COL4A6: variants seen among roughly 807,000 people sequenced by gnomAD.
The protein encoded by COL4A6 is collagen alpha-6(IV) chain.
COL4A6 carries 59 observed loss-of-function variants against 126.7 expected under a neutral mutation model. The observed-to-expected ratio is 0.47, with a 90% CI of 0.38 to 0.58. COL4A6 has a LOEUF of 0.58. COL4A6 is among the 20% of genes least tolerant of loss of function. The pLI, the probability that COL4A6 is intolerant of heterozygous loss-of-function variation, is 0.00. For missense variants in COL4A6, 1,285 were observed against 1,337.3 expected (o/e 0.96, Z 0.61); for synonymous variants, 547 against 496.6 (o/e 1.10, Z -1.35).
chrX:108,437,916 G>A (rs1196661670), intron 2 of COL4A6, 26 bp downstream of exon 2: 1 of 1,209,379 alleles, frequency 8.3e-7, no homozygotes, highest in Non-Finnish European at 1.1e-6. Flanking sequence ...GAGGGGGACG[G>A]AAAAGGGTCG....
At position 108,170,626 on chromosome X, in the gene COL4A6, C is replaced by A. The variant is rs760071995; in HGVS notation, c.3476G>T (p.Gly1159Val). Residue 1159 changes from glycine to valine, a missense_variant, in exon 35 of 45, where the codon GGA becomes GTA. Transcript: ENST00000334504. ...QGAIGPLGSP[G>V]LIGPKGFPGF... is the part of the protein sequence containing the mutation. ...ACACATACCTTTGGGTCCTATTAAT[C>A]CGGGGGATCCTAGAGGCCCAATTGC... 8.3e-7 allele frequency: 1 copy of A among 1,203,414 alleles called. No individual in the cohort carries two copies. The highest frequency in any genetic ancestry group is 1.8e-5 in the South Asian group (1 of 55,142).
At chrX:108,380,408 C>A (rs2040537260) in intron 2 of COL4A6, among the ~76,000 whole-genome samples, 1 of 112,295 alleles carries the variant, frequency 8.9e-6, no homozygotes, top group Admixed American at 9.4e-5. Flanking sequence ...CCAGAGTGAA[C>A]AGTGAAGTCT....
intron 13 of COL4A6, among the ~76,000 whole-genome samples, chrX:108,199,311 G>T (rs774588826): frequency 2.7e-5 from 3 of 111,068 alleles, no homozygotes; most frequent in African/African-American, 9.8e-5. Context: ...CCTCTGAAAA[G>T]CCCAGAGTAT....
rs767922218 is a variant in COL4A6, at chrX:108,169,523, C to T, written c.3663G>A (p.Pro1221=). ...PGIGIGAPGK[P]GLRGQKGDRG... ...GATCACCTTTTTGCCCTCTCAGGCC[C>T]GGCTTCCCTGGAGCTCCGATGCCAA... is the stretch of plus-strand genomic sequence containing the variant. Residue 1221 remains proline (P), a synonymous_variant, in exon 37 of 45, where the codon CCG becomes CCA. Coordinates refer to ENST00000334504, the MANE Select transcript of COL4A6 (RefSeq NM_033641.4). The T allele has an allele frequency of 2.1e-5, 25 of 1,210,013 alleles. No individual in the cohort carries two copies. The highest frequency in any genetic ancestry group is 1.5e-4 in the Admixed American group (7 of 45,802).
chrX:108,219,554 G>A (rs2035954320), intron 5 of COL4A6, 144 bp downstream of exon 5: 7 of 547,121 alleles, frequency 1.3e-5, no homozygotes, highest in Non-Finnish European at 1.9e-5. Context: ...TGTGACCACT[G>A]CCCTTTAAAC....
intron 2 of COL4A6, among the ~76,000 whole-genome samples, chrX:108,356,903 T>TG (rs2039973992): frequency 9.5e-6 from 1 of 105,118 alleles, no homozygotes; most frequent in Non-Finnish European, 1.9e-5. Flanking sequence ...ACATTTCATC[T>TG]GAAAAAAAAA....
At chrX:108,306,583 G>A (rs1455109059) in intron 3 of COL4A6, among the ~76,000 whole-genome samples, 2 of 111,838 alleles carry the variant, frequency 1.8e-5, no homozygotes, top group African/African-American at 6.5e-5. Flanking sequence ...GTTTGCAGGA[G>A]GAGAATAAAT....
At chrX:108,252,608 A>T (rs138032095) in intron 3 of COL4A6, among the ~76,000 whole-genome samples, 552 of 111,527 alleles carry the variant, frequency 4.9e-3, no homozygotes, top group African/African-American at 0.017. Flanking sequence ...TTCTTCTCAA[A>T]CTATTCCAAA....
chrX:108,350,119 T>A (rs1416677098), intron 2 of COL4A6, among the ~76,000 whole-genome samples: 1 of 111,605 alleles, frequency 9.0e-6, no homozygotes, highest in Non-Finnish European at 1.9e-5. Flanking sequence ...AGAAATTCTG[T>A]TGATCGGAGG....
At chrX:108,431,290 C>T (rs1299554577) in intron 2 of COL4A6, among the ~76,000 whole-genome samples, 1 of 111,774 alleles carries the variant, frequency 8.9e-6, no homozygotes, top group Non-Finnish European at 1.9e-5. Flanking sequence ...AAGTTTGTGT[C>T]ATAATCCCAA....
Position 108,172,498 on chromosome X carries a change from G to T in COL4A6, c.3173C>A (p.Pro1058Gln). The T allele has an allele frequency of 8.3e-7, 1 of 1,206,430 alleles. No individual in the cohort carries two copies. The change falls in exon 32 of 45, where the codon CCA becomes CAA. Residue 1058 changes from proline to glutamine, a missense_variant. Pro to Gln is a moderately conservative substitution (Grantham distance 76). Transcript: ENST00000334504. ...SQGIRGSPGLPGASGLPGLKG... is the reference protein window; with the variant it reads ...SQGIRGSPGLQGASGLPGLKG... ...CAGGCCTGGGAGACCAGATGCTCCT[G>T]GGAGTCCAGGCGACCCTCTGATACC...
intron 2 of COL4A6, among the ~76,000 whole-genome samples, chrX:108,386,563 G>C (rs1037138225): frequency 2.7e-5 from 3 of 111,106 alleles, no homozygotes; most frequent in African/African-American, 9.8e-5. Flanking sequence ...CGTTTTGATG[G>C]GTTTTTTTTT....
chrX:108,177,236 T>C (rs2034526884), intron 27 of COL4A6, among the ~76,000 whole-genome samples: 1 of 112,662 alleles, frequency 8.9e-6, no homozygotes, highest in South Asian at 3.6e-4. Flanking sequence ...ACTTCCAGCA[T>C]GGCACATTAG....
intron 3 of COL4A6, among the ~76,000 whole-genome samples, chrX:108,275,102 C>T: frequency 9.0e-6 from 1 of 110,757 alleles, no homozygotes; most frequent in Non-Finnish European, 1.9e-5. Context: ...ACTAATCATC[C>T]CTGCTTTCAA....
chrX:108,311,430 G>T (rs188654857), intron 2 of COL4A6, among the ~76,000 whole-genome samples: 85 of 109,877 alleles, frequency 7.7e-4, no homozygotes, highest in African/African-American at 2.7e-3. Flanking sequence ...CTGATTGATC[G>T]TGATGATTGC....
intron 3 of COL4A6, among the ~76,000 whole-genome samples, chrX:108,248,241 A>G (rs2036763841): frequency 8.9e-6 from 1 of 111,845 alleles, no homozygotes; most frequent in Non-Finnish European, 1.9e-5. Context: ...ATATGAATAT[A>G]CATATATTGA....
intron 3 of COL4A6, among the ~76,000 whole-genome samples, chrX:108,293,292 A>G (rs1983988536): frequency 9.0e-6 from 1 of 111,585 alleles, no homozygotes; most frequent in African/African-American, 3.3e-5. Flanking sequence ...ATTCTCACAA[A>G]ACTGTTGTAA....
At chrX:108,175,320 G>T in intron 29 of COL4A6, 105 bp from the exon 30 acceptor site, 1 of 962,806 alleles carries the variant, frequency 1.0e-6, no homozygotes, top group South Asian at 3.0e-5. Flanking sequence ...CCCTCTTTTG[G>T]GGCCTTTCCA....
chrX:108,297,363 A>G (rs758620994), intron 3 of COL4A6, among the ~76,000 whole-genome samples: 1 of 111,685 alleles, frequency 9.0e-6, no homozygotes, highest in African/African-American at 3.3e-5. Flanking sequence ...CCATTCACCT[A>G]ATGCAGAGTT....
Sources: gnomAD v4.1 joint callset for allele counts (sites outside exome capture counted in the v4.1 genomes callset) on GRCh38, gnomAD v4.1.1 for gene constraint, MANE v1.5 for transcripts, NCBI Gene and HGNC (gene_info 2026-07-23, HGNC 2026-07-21) for gene names.